Variants in KCNQ3 observed in about 807,000 individuals in gnomAD.
KCNQ3 encodes the protein potassium voltage-gated channel subfamily Q member 3.
KCNQ3 carries 30 observed loss-of-function variants against 92.5 expected under a neutral mutation model. The observed-to-expected ratio is 0.32, with a 90% CI of 0.24 to 0.44. KCNQ3 has a LOEUF of 0.44. KCNQ3 is among the 20% of genes least tolerant of loss of function. The pLI is 1.00. For synonymous variants in KCNQ3, 450 were observed against 468.8 expected, an observed-to-expected ratio of 0.96 and a Z score of 0.52; for missense variants, 913 against 1,140.3, an observed-to-expected ratio of 0.80 and a Z score of 2.87.
intron 1 of KCNQ3, among the ~76,000 whole-genome samples, chr8:132,326,928 C>T (rs1225756828): frequency 6.6e-6 from 1 of 152,244 alleles, no homozygotes; most frequent in Non-Finnish European, 1.5e-5. Context: ...AATACAGCAA[C>T]TCTCAGTCCT....
At chr8:132,390,801 C>T (rs369751178) in intron 1 of KCNQ3, among the ~76,000 whole-genome samples, 20 of 152,300 alleles carry the variant, frequency 1.3e-4, no homozygotes, top group African/African-American at 4.6e-4. Flanking sequence ...AGTACCCGAT[C>T]AGCATTAGAC....
At chr8:132,170,654 G>A (rs902132100) in intron 7 of KCNQ3, among the ~76,000 whole-genome samples, 3 of 152,134 alleles carry the variant, frequency 2.0e-5, no homozygotes, top group African/African-American at 4.8e-5. Flanking sequence ...GTGAGTGGGG[G>A]AATGGAGAGA....
At chr8:132,355,908 A>G (rs1346295152) in intron 1 of KCNQ3, among the ~76,000 whole-genome samples, 2 of 152,232 alleles carry the variant, frequency 1.3e-5, no homozygotes, top group South Asian at 4.1e-4. Flanking sequence ...GGATTCTCCA[A>G]TGGTCCTTTT....
rs539935444 is a variant in KCNQ3 at position 132,321,374 on chromosome 8, T to C, written c.387-135193A>G. ...AAAACTAGGCCATGACACAACCATA[T>C]TGTAGAAGCCCTTGGTGGATCACGA... On this transcript the variant is annotated intron_variant, in intron 1 of 14. Transcript: ENST00000388996. The C allele has an allele frequency of 4.6e-5, 7 of 152,552 alleles. No individual in the cohort carries two copies. The East Asian group carries it at 1.4e-3, about 29-fold the overall frequency. The allele number at this position is 152,552 out of a possible 1,614,324, so 9.4% of individuals were successfully genotyped here. A position where few individuals can be genotyped will look rare whatever the true frequency, so the allele number is the denominator to read the frequency against.
chr8:132,320,738 G>C (rs1817872093), intron 1 of KCNQ3, among the ~76,000 whole-genome samples: 1 of 151,986 alleles, frequency 6.6e-6, no homozygotes, highest in East Asian at 1.9e-4. Context: ...AGCAGAAAAG[G>C]GAAGGAAGGG....
At chr8:132,247,828 T>G (rs1032911643) in intron 1 of KCNQ3, among the ~76,000 whole-genome samples, 2 of 151,828 alleles carry the variant, frequency 1.3e-5, no homozygotes, top group African/African-American at 4.8e-5. Context: ...AATATTTCAT[T>G]CAGCCTGATC....
At chr8:132,208,598 A>T (rs182380294) in intron 1 of KCNQ3, among the ~76,000 whole-genome samples, 2 of 152,288 alleles carry the variant, frequency 1.3e-5, no homozygotes, top group Admixed American at 1.3e-4. Flanking sequence ...TTTGATATGT[A>T]GAAAAAGAGG....
At chr8:132,462,722 G>C (rs1346269569) in intron 1 of KCNQ3, among the ~76,000 whole-genome samples, 1 of 152,114 alleles carries the variant, frequency 6.6e-6, no homozygotes, top group Non-Finnish European at 1.5e-5. Context: ...TGATAAAACA[G>C]GGGCCAATTA....
intron 9 of KCNQ3, among the ~76,000 whole-genome samples, chr8:132,149,255 C>T (rs1245110264): frequency 6.6e-6 from 1 of 152,300 alleles, no homozygotes; most frequent in African/African-American, 2.4e-5. Flanking sequence ...AGGGTGGGGC[C>T]GCAAAAAGTT....
At chr8:132,268,281 T>A (rs1342573027) in intron 1 of KCNQ3, among the ~76,000 whole-genome samples, 1 of 152,188 alleles carries the variant, frequency 6.6e-6, no homozygotes, top group Non-Finnish European at 1.5e-5. Flanking sequence ...TTTTGTTTGT[T>A]TGTTTGTTTG....
intron 1 of KCNQ3, among the ~76,000 whole-genome samples, chr8:132,315,907 GA>G (rs1817729956): frequency 6.6e-6 from 1 of 152,176 alleles, no homozygotes; most frequent in Non-Finnish European, 1.5e-5. Context: ...TCATGCTTCT[GA>G]ATGGTTTTCA....
At position 132,186,194 on chromosome 8, in the gene KCNQ3, A is replaced by G. The variant is rs1421901125; in HGVS notation, c.387-13T>C. The G allele has an allele frequency of 1.6e-5, 25 of 1,592,336 alleles. No individual in the cohort carries two copies. Among genetic ancestry groups the G allele is most frequent in the Non-Finnish European group, 2.2e-5 (25 of 1,160,424 alleles). ...GACAATCAGGAACCTAGAGGGGAAGAAAGAAATGGACTAAGGAACCTTTGA... is the reference window on the plus strand; with the variant it reads ...GACAATCAGGAACCTAGAGGGGAAGGAAGAAATGGACTAAGGAACCTTTGA... On this transcript the variant is annotated splice_polypyrimidine_tract_variant and intron_variant, in intron 1 of 14. Transcript: ENST00000388996.
At chr8:132,240,051 G>A (rs7831102) in intron 1 of KCNQ3, among the ~76,000 whole-genome samples, 4,500 of 152,182 alleles carry the variant, frequency 0.03, 254 homozygotes, top group African/African-American at 0.1. Context: ...TGCAGCTTGC[G>A]TCTAATGCAT....
At chr8:132,178,304 A>G (rs1345063162) in intron 4 of KCNQ3, among the ~76,000 whole-genome samples, 2 of 152,226 alleles carry the variant, frequency 1.3e-5, no homozygotes, top group Non-Finnish European at 2.9e-5. Context: ...GACCTCACTG[A>G]TTCTGCAGCC....
intron 1 of KCNQ3, among the ~76,000 whole-genome samples, chr8:132,320,785 C>T (rs1467030876): frequency 6.6e-6 from 1 of 152,082 alleles, no homozygotes; most frequent in African/African-American, 2.4e-5. Context: ...TTATTTATAA[C>T]AGAAGAGAAA....
chr8:132,197,655 T>C (rs996293272), intron 1 of KCNQ3, among the ~76,000 whole-genome samples: 2 of 151,808 alleles, frequency 1.3e-5, no homozygotes, highest in African/African-American at 4.9e-5. Context: ...ATATCCTGGA[T>C]GCTAAGGTCA....
intron 1 of KCNQ3, among the ~76,000 whole-genome samples, chr8:132,404,108 G>A (rs1820416752): frequency 1.3e-5 from 2 of 152,176 alleles, no homozygotes; most frequent in African/African-American, 2.4e-5. Context: ...ATAAAACTCA[G>A]AGCAAATGGG....
rs1824614911 is a variant in KCNQ3 at position 132,124,933 on chromosome 8, A to G, written c.*4329T>C. 2 of 152,132 alleles carry G rather than the reference A, an allele frequency of 1.3e-5. No individual in the cohort carries two copies. Among genetic ancestry groups the G allele is most frequent in the African/African-American group, 2.4e-5 (1 of 41,394 alleles). 9.4% of individuals were successfully genotyped at this position (152,132 alleles called of 1,614,324 possible). On this transcript the variant is annotated 3_prime_UTR_variant, in exon 15 of 15. Coordinates refer to ENST00000388996, the MANE Select transcript of KCNQ3 (RefSeq NM_004519.4). ...AGTTGACTTCTTAGGCTGCTGAACA[A>G]ATTTCTTCTCTTGCCCCAGGAGAAT...
chr8:132,407,773 T>G (rs1434863770), intron 1 of KCNQ3, among the ~76,000 whole-genome samples: 1 of 152,186 alleles, frequency 6.6e-6, no homozygotes, highest in Non-Finnish European at 1.5e-5. Context: ...TGGTGCTGCC[T>G]CCCCAGAGTC....
Sources: gnomAD v4.1 joint callset for allele counts (sites outside exome capture counted in the v4.1 genomes callset) on GRCh38, gnomAD v4.1.1 for gene constraint, MANE v1.5 for transcripts, NCBI Gene and HGNC (gene_info 2026-07-23, HGNC 2026-07-21) for gene names.